ABCA13: variants seen among roughly 807,000 people sequenced by gnomAD.
The protein encoded by ABCA13 is ATP binding cassette subfamily A member 13.
In ABCA13, 476 loss-of-function variants were observed where a neutral mutation model predicts 478.7. That is an observed-to-expected ratio of 0.99 (90% CI 0.92 to 1.07). ABCA13 has a LOEUF of 1.07. ABCA13 is among the 50% of genes least tolerant of loss of function. The pLI, the probability that ABCA13 is intolerant of heterozygous loss-of-function variation, is 0.00. For synonymous variants in ABCA13, 2,252 were observed against 2,158.9 expected (o/e 1.04, Z -1.20); for missense variants, 6,060 against 5,910.6 (o/e 1.03, Z -0.83).
intron 58 of ABCA13, among the ~76,000 whole-genome samples, chr7:48,599,061 T>C (rs999100767): frequency 6.6e-6 from 1 of 151,150 alleles, no homozygotes; most frequent in Non-Finnish European, 1.5e-5. Flanking sequence ...CCCAATAATA[T>C]CATGTTGATT....
At chr7:48,530,330 A>G (rs969808582) in intron 55 of ABCA13, among the ~76,000 whole-genome samples, 1 of 151,752 alleles carries the variant, frequency 6.6e-6, no homozygotes, top group South Asian at 2.1e-4. Flanking sequence ...ATATATACAC[A>G]TATACATATA....
At chr7:48,265,676 A>T (rs1172065586) in intron 15 of ABCA13, among the ~76,000 whole-genome samples, 1 of 151,666 alleles carries the variant, frequency 6.6e-6, no homozygotes, top group African/African-American at 2.4e-5. Flanking sequence ...ATTTTTATAG[A>T]TTTCATCAGA....
chr7:48,458,298 A>G (rs913113080), intron 43 of ABCA13, among the ~76,000 whole-genome samples: 1 of 152,166 alleles, frequency 6.6e-6, no homozygotes, highest in Admixed American at 6.6e-5. Flanking sequence ...CTCCCTGTGT[A>G]CACAGGCCAC....
intron 59 of ABCA13, among the ~76,000 whole-genome samples, chr7:48,637,915 A>T (rs1794806588): frequency 6.6e-6 from 1 of 152,178 alleles, no homozygotes; most frequent in Non-Finnish European, 1.5e-5. Context: ...GGGGTGTTAG[A>T]GTCAGTGGCA....
chr7:48,208,842 T>C (rs1199761999), intron 3 of ABCA13, among the ~76,000 whole-genome samples: 1 of 152,144 alleles, frequency 6.6e-6, no homozygotes, highest in East Asian at 1.9e-4. Flanking sequence ...TCCAGTGTTA[T>C]GTTGCATAAA....
chr7:48,589,616 T>C (rs919559838), intron 57 of ABCA13, among the ~76,000 whole-genome samples: 1 of 152,200 alleles, frequency 6.6e-6, no homozygotes, highest in South Asian at 2.1e-4. Flanking sequence ...AAATATGTAA[T>C]ACAGCATCGT....
chr7:48,638,141 A>G (rs1400911208), intron 59 of ABCA13, among the ~76,000 whole-genome samples: 4 of 152,196 alleles, frequency 2.6e-5, no homozygotes, highest in Non-Finnish European at 5.9e-5. Context: ...TCAGAGAGGA[A>G]GGCACTCGTT....
intron 55 of ABCA13, among the ~76,000 whole-genome samples, chr7:48,574,870 T>A (rs1315305214): frequency 6.6e-6 from 1 of 152,230 alleles, no homozygotes; most frequent in Non-Finnish European, 1.5e-5. Context: ...TTTCTGCATT[T>A]TATCCAGCTG....
chr7:48,364,954 T>C (rs1387957106), intron 31 of ABCA13, among the ~76,000 whole-genome samples: 1 of 152,154 alleles, frequency 6.6e-6, no homozygotes, highest in South Asian at 2.1e-4. Flanking sequence ...CATATTGTAG[T>C]TATATTTTTT....
intron 5 of ABCA13, among the ~76,000 whole-genome samples, chr7:48,225,217 C>T (rs1338961783): frequency 6.9e-6 from 1 of 144,796 alleles, no homozygotes; most frequent in Non-Finnish European, 1.5e-5. Flanking sequence ...TACTTCCTTC[C>T]TTCCCTCCCT....
chr7:48,232,145 T>TTTTTTTTTTTTTTTTTTC, intron 7 of ABCA13, among the ~76,000 whole-genome samples: 1 of 104,610 alleles, frequency 9.6e-6, no homozygotes, highest in African/African-American at 3.2e-5. Context: ...TGGAATTTTT[T>TTTTTTTTTTTTTTTTTTC]TTTTTTTTTT....
chr7:48,437,367 A>C (rs1452615376), intron 42 of ABCA13, among the ~76,000 whole-genome samples: 2 of 152,066 alleles, frequency 1.3e-5, no homozygotes, highest in Non-Finnish European at 2.9e-5. Context: ...ATTTGCATGA[A>C]ATGGCTTTTC....
At position 48,279,443 on chromosome 7, in the gene ABCA13, T is replaced by C; in HGVS notation, c.8249T>C (p.Leu2750Ser). The C allele has an allele frequency of 2.5e-6, 4 of 1,607,242 alleles. No individual in the cohort carries two copies. In the South Asian group the frequency reaches 4.4e-5, roughly 18 times the overall value. The change falls in exon 18 of 62, where the codon TTA (leucine) becomes TCA (serine). Residue 2750 changes from leucine to serine, a missense_variant. Physicochemically the swap from Leu to Ser is moderately radical, Grantham distance 145. Around this residue, in one of 3 missense-constraint regions of ABCA13, gnomAD observed 4,423 missense variants for 4,309.1 expected, o/e 1.03. Transcript: ENST00000435803. ...ACCTTAGAAGCTCTTTGGAAAAACT[T>C]AAAGAAAGATAATTGGAATGTTTCT... ...CLTLEALWKN[L>S]KKDNWNVSNV...
chr7:48,232,166 G>GTTTTTTTTTTTTTTTTTT (rs1789240529), intron 7 of ABCA13, among the ~76,000 whole-genome samples: 3 of 14,284 alleles, frequency 2.1e-4, no homozygotes, highest in Admixed American at 5.5e-4. Context: ...TTTTTTTTTA[G>GTTTTTTTTTTTTTTTTTT]CTTTCTGTAA....
intron 47 of ABCA13, among the ~76,000 whole-genome samples, chr7:48,487,870 C>T (rs1377724441): frequency 6.6e-6 from 1 of 152,174 alleles, no homozygotes; most frequent in Non-Finnish European, 1.5e-5. Flanking sequence ...ATGGACACAC[C>T]TCTGATATAT....
chr7:48,474,710 A>G (rs1274194198), intron 45 of ABCA13, among the ~76,000 whole-genome samples: 2 of 152,052 alleles, frequency 1.3e-5, no homozygotes, highest in East Asian at 1.9e-4. Flanking sequence ...CAAATGCCAT[A>G]TTTTGGGGGA....
chr7:48,229,787 ACC>A, intron 6 of ABCA13, 36 bp from the exon 7 acceptor site: 1 of 1,612,054 alleles, frequency 6.2e-7, no homozygotes, highest in South Asian at 1.1e-5. Context: ...TTTGCTAACT[ACC>A]CACTCATATT....
chr7:48,259,540 T>C (rs1465057999), intron 15 of ABCA13, among the ~76,000 whole-genome samples: 2 of 150,914 alleles, frequency 1.3e-5, no homozygotes, highest in Non-Finnish European at 3.0e-5. Context: ...GGCGTCTTAC[T>C]TCTTTATCCA....
intron 29 of ABCA13, among the ~76,000 whole-genome samples, chr7:48,340,574 T>C (rs1034013126): frequency 6.6e-6 from 1 of 152,210 alleles, no homozygotes; most frequent in Non-Finnish European, 1.5e-5. Context: ...GGTGAATTTA[T>C]ATGTACTCAT....
Sources: gnomAD v4.1 joint callset for allele counts (sites outside exome capture counted in the v4.1 genomes callset) on GRCh38, gnomAD v4.1.1 for gene constraint, gnomAD v4.1.1 regional missense constraint, MANE v1.5 for transcripts, NCBI Gene and HGNC (gene_info 2026-07-23, HGNC 2026-07-21) for gene names.